Variants in SSC5D observed in about 807,000 individuals in gnomAD.
SSC5D encodes soluble scavenger receptor cysteine-rich domain-containing protein SSC5D.
In SSC5D, 106 loss-of-function variants were observed where a neutral mutation model predicts 104.6. That is an observed-to-expected ratio of 1.01 (90% CI 0.87 to 1.19). The LOEUF (loss-of-function observed/expected upper bound fraction) is 1.19. SSC5D is among the 50% of genes most tolerant of loss of function. The pLI, the probability that SSC5D is intolerant of heterozygous loss-of-function variation, is 0.00. For synonymous variants in SSC5D, 860 were observed against 883.5 expected (o/e 0.97, Z 0.47); for missense variants, 1,993 against 2,153.8 (o/e 0.93, Z 1.48).
intron 12 of SSC5D, among the ~76,000 whole-genome samples, chr19:55,508,580 G>T (rs1380422597): frequency 6.6e-6 from 1 of 152,204 alleles, no homozygotes; most frequent in Admixed American, 6.5e-5. Flanking sequence ...CACCCTTGCT[G>T]GCTCTAGCCT....
intron 8 of SSC5D, 66 bp downstream of exon 8, chr19:55,494,849 GACT>G: frequency 6.9e-7 from 1 of 1,459,658 alleles, no homozygotes; most frequent in Non-Finnish European, 9.1e-7. Flanking sequence ...TCAGCTCTGA[GACT>G]GTCTCATGGG....
rs1215210583 is a variant in SSC5D, at chr19:55,499,803, A to G, written c.1706-13A>G. On this transcript the variant is annotated splice_polypyrimidine_tract_variant and intron_variant, in intron 9 of 13. Transcript: ENST00000389623. ...TGTCTCTGTCTTCTCTTCCTGCCCC[A>G]CTCACCTTCCAGGGCCCCCAGGCCT... 1.3e-5 allele frequency: 20 copies of G among 1,546,554 alleles called. No individual in the cohort carries two copies. In the East Asian group the frequency reaches 4.9e-4, roughly 38 times the overall value.
chr19:55,495,972 C>T (rs969355025), intron 8 of SSC5D, among the ~76,000 whole-genome samples: 1 of 147,366 alleles, frequency 6.8e-6, no homozygotes, highest in African/African-American at 2.5e-5. Flanking sequence ...AACTCCTGGC[C>T]TTAGGTGATC....
chr19:55,494,777 G>C lies in SSC5D; in HGVS notation c.1381G>C (p.Glu461Gln). 3 of 1,541,554 alleles carry C rather than the reference G, an allele frequency of 1.9e-6. No individual in the cohort carries two copies. Among genetic ancestry groups the C allele is most frequent in the Non-Finnish European group, 2.6e-6 (3 of 1,141,406 alleles). Residue 461 changes from glutamate to glutamine, a missense_variant, in exon 8 of 14, where the codon GAA becomes CAA. By Grantham distance (29) the Glu-to-Gln change is conservative (BLOSUM62 2). Around this residue, in one of 6 missense-constraint regions of SSC5D, gnomAD observed 1,101 missense variants for 1,085.0 expected, o/e 1.01. Transcript: ENST00000389623. ...TACTGTCCTTTGGGAGCCTGGACCG[G>C]AAGCCGGTGAGTCCCTCCATGCTCC... is the stretch of plus-strand genomic sequence containing the variant. Reference protein sequence around the residue: ...SPTVLWEPGPEAGSPQLRLVA... With the variant: ...SPTVLWEPGPQAGSPQLRLVA...
Position 55,500,856 on chromosome 19 carries a change from G to A in SSC5D, c.2617+52G>A. On this transcript the variant is annotated intron_variant, in intron 11 of 13. Coordinates refer to ENST00000389623, the MANE Select transcript of SSC5D (RefSeq NM_001144950.2). This position sits in a 1 kb window ranked among gnomAD's most constrained non-coding sequence, Gnocchi z 4.6. Reference sequence around the variant, plus strand: ...GGTTGTCGGGGGTGGCCAGGAGAATGGAGTCAGGGTGGGGCCAGGTGACGG... The same window carrying A: ...GGTTGTCGGGGGTGGCCAGGAGAATAGAGTCAGGGTGGGGCCAGGTGACGG... 1 of 1,523,430 alleles carries A rather than the reference G, an allele frequency of 6.6e-7. No individual in the cohort carries two copies. The allele number at this position is 1,523,430 out of a possible 1,614,324, so 94.4% of individuals were successfully genotyped here. A position where few individuals can be genotyped will look rare whatever the true frequency, so the allele number is the denominator to read the frequency against.
intron 13 of SSC5D, 73 bp from the exon 14 acceptor site, chr19:55,517,151 G>T: frequency 7.3e-7 from 1 of 1,371,542 alleles, no homozygotes; most frequent in South Asian, 1.4e-5. Flanking sequence ...GCTCCTCGAG[G>T]GGCGGGGCGG....
chr19:55,505,374 G>C (rs1302155971), intron 12 of SSC5D, among the ~76,000 whole-genome samples: 2 of 151,748 alleles, frequency 1.3e-5, no homozygotes, highest in African/African-American at 4.9e-5. Flanking sequence ...ATTTTCATCG[G>C]TGTTATCCAT....
Position 55,517,814 on chromosome 19 carries a change from C to G in SSC5D, c.3538C>G (p.His1180Asp). Residue 1180 changes from histidine (H) to aspartate (D), a missense_variant, in exon 14 of 14, where the codon CAC becomes GAC. Coordinates refer to ENST00000389623, the MANE Select transcript of SSC5D (RefSeq NM_001144950.2). ...GACCCCTCACTTCCCTACCACCCCT[C>G]ACCCCACCACGACCCCTCACCCCAC... ...TVTPHFPTTP[H>D]PTTTPHPTTI... 1 of 1,547,354 alleles carries G rather than the reference C, an allele frequency of 6.5e-7. No homozygotes were observed. The highest frequency in any genetic ancestry group is 8.7e-7 in the Non-Finnish European group (1 of 1,145,576).
intron 12 of SSC5D, among the ~76,000 whole-genome samples, chr19:55,502,356 AT>A (rs1009283142): frequency 2.1e-5 from 3 of 143,754 alleles, no homozygotes; most frequent in African/African-American, 7.8e-5. Flanking sequence ...CATCTTTCTC[AT>A]TTTTTTTCTT....
rs552177567 is a variant in SSC5D, at chr19:55,512,881, T to G, written c.2786-130T>G. On this transcript the variant is annotated intron_variant, in intron 12 of 13. Transcript: ENST00000389623. The stretch of plus-strand genomic sequence containing the variant: ...TGGAGAAGGTCTCCACGAGGTCAGG[T>G]AGGGCTGCAGTGGCGGTGCAGTTGA... The G allele has an allele frequency of 1.4e-5, 16 of 1,127,570 alleles. No individual in the cohort carries two copies. The East Asian group carries it at 3.9e-4, about 27-fold the overall frequency. 69.8% of individuals were successfully genotyped at this position (1,127,570 alleles called of 1,614,324 possible). A position where few individuals can be genotyped will look rare whatever the true frequency, so the allele number is the denominator to read the frequency against.
intron 5 of SSC5D, 24 bp downstream of exon 5, chr19:55,490,432 G>A (rs1028526755): frequency 1.7e-5 from 13 of 755,814 alleles, no homozygotes; most frequent in Admixed American, 6.5e-5. Context: ...AGGCTCCCCC[G>A]ACCCCAAGGC....
rs1785115137 is a variant in SSC5D at position 55,503,450 on chromosome 19, C to G, written c.2785+2249C>G. Among the ~76,000 whole-genome samples, 1 of 152,112 alleles carries G rather than the reference C, an allele frequency of 6.6e-6. No individual in the cohort carries two copies. The highest frequency in any genetic ancestry group is 1.5e-5 in the Non-Finnish European group (1 of 68,040). On this transcript the variant is annotated intron_variant, in intron 12 of 13. Transcript: ENST00000389623. This position sits in a 1 kb window ranked among gnomAD's most constrained non-coding sequence, Gnocchi z 4.0. ...TTTTCTGAGTCTCCATCTCCCGCGC[C>G]TTCCCTGCAGTCTCCCGCGTGCTCT...
Position 55,488,974 on chromosome 19 carries a change from C to A in SSC5D, c.26-32C>A, listed in dbSNP as rs749018623. ...AAAGGGCCACCCCCGGCCTGCCCCT[C>A]ACACTGCCCCACCCTCCGCCCTCCC... On this transcript the variant is annotated intron_variant, in intron 1 of 13. Transcript: ENST00000389623. 11 of 1,533,702 alleles carry A rather than the reference C, an allele frequency of 7.2e-6. No individual in the cohort carries two copies. In the South Asian group the frequency reaches 1.3e-4, roughly 19 times the overall value.
intron 12 of SSC5D, chr19:55,504,165 C>G: frequency 6.5e-7 from 1 of 1,535,726 alleles, no homozygotes; most frequent in Non-Finnish European, 8.7e-7. Flanking sequence ...CAAGGACTGC[C>G]AGGGTTGCAG....
intron 13 of SSC5D, among the ~76,000 whole-genome samples, chr19:55,517,017 G>T (rs1987885747): frequency 6.6e-6 from 1 of 152,084 alleles, no homozygotes; most frequent in Non-Finnish European, 1.5e-5. Flanking sequence ...GCATCCTCCC[G>T]CAGTGGAGGA....
intron 6 of SSC5D, 75 bp from the exon 7 acceptor site, chr19:55,493,520 C>G: frequency 2.3e-6 from 3 of 1,282,970 alleles, no homozygotes; most frequent in Non-Finnish European, 3.0e-6. Flanking sequence ...GGGGTTGCAG[C>G]CTGCCTGAGC....
intron 12 of SSC5D, among the ~76,000 whole-genome samples, chr19:55,505,319 A>C (rs1387976557): frequency 6.6e-6 from 1 of 151,810 alleles, no homozygotes; most frequent in Non-Finnish European, 1.5e-5. Flanking sequence ...AGGAGAAATG[A>C]ATTCTCAGAG....
Position 55,500,751 on chromosome 19 carries a change from C to T in SSC5D, c.2564C>T (p.Ala855Val). 2 of 1,551,490 alleles carry T rather than the reference C, an allele frequency of 1.3e-6. No homozygotes were observed. Among genetic ancestry groups the T allele is most frequent in the Non-Finnish European group, 8.7e-7 (1 of 1,146,954 alleles). ...EASLSDCPSG[A>V]WGKHNCDHEE... ...TCACTGAGCGACTGCCCCTCGGGGG[C>T]TTGGGGGAAGCACAACTGTGACCAC... The change falls in exon 11 of 14, where the codon GCT (alanine) becomes GTT (valine). Residue 855 changes from alanine (A) to valine (V), a missense_variant. Ala to Val is a moderately conservative substitution (Grantham distance 64). Coordinates refer to ENST00000389623, the MANE Select transcript of SSC5D (RefSeq NM_001144950.2). The surrounding 1 kb of genome is among the most constrained non-coding windows in gnomAD (Gnocchi z 4.6).
chr19:55,518,195 CCCA>C lies in SSC5D; in HGVS notation c.3924_3926del (p.Thr1310del), dbSNP rs1465930705. On this transcript the variant is annotated inframe_deletion, in exon 14 of 14. Transcript: ENST00000389623. Reference sequence around the variant, plus strand: ...CCCTCACCCCACCATGACTCCTGACCCCACCACGACCCCTTACCCCACCACTAC... The same window carrying C: ...CCCTCACCCCACCATGACTCCTGACCCCACGACCCCTTACCCCACCACTAC... 6.9e-7 allele frequency: 1 copy of C among 1,447,146 alleles called. No homozygotes were observed. The highest frequency in any genetic ancestry group is 2.9e-5 in the East Asian group (1 of 34,096). 89.6% of individuals were successfully genotyped at this position (1,447,146 alleles called of 1,614,324 possible).
Sources: gnomAD v4.1 joint callset for allele counts (sites outside exome capture counted in the v4.1 genomes callset) on GRCh38, gnomAD v4.1.1 for gene constraint, gnomAD v4.1.1 regional missense constraint, Gnocchi (gnomAD v3.1) non-coding constraint, MANE v1.5 for transcripts, NCBI Gene and HGNC (gene_info 2026-07-23, HGNC 2026-07-21) for gene names.